LPGAT1: variants seen among roughly 807,000 people sequenced by gnomAD.
LPGAT1 encodes acyl-CoA:lysophosphatidylglycerol acyltransferase 1.
In LPGAT1, 11 loss-of-function variants were observed where a neutral mutation model predicts 47.5. The ratio of observed to expected loss-of-function variants is 0.23; its 90% CI spans 0.15 to 0.38. LPGAT1 has a LOEUF of 0.38. Among genes scored for constraint, LPGAT1 ranks in the 10% least tolerant of loss-of-function variants. LPGAT1 has a pLI of 1.00. For missense variants in LPGAT1, 293 were observed against 439.0 expected, an observed-to-expected ratio of 0.67 and a Z score of 2.97; for synonymous variants, 138 against 144.2, an observed-to-expected ratio of 0.96 and a Z score of 0.31.
chr1:211,805,106 C>T (rs1024992723), intron 2 of LPGAT1, among the ~76,000 whole-genome samples: 16 of 95,588 alleles, frequency 1.7e-4, no homozygotes, highest in African/African-American at 6.3e-4. Context: ...ACACAGAAAT[C>T]AATGAAATGA....
intron 3 of LPGAT1, among the ~76,000 whole-genome samples, chr1:211,791,699 A>G (rs969426562): frequency 6.9e-6 from 1 of 144,334 alleles, no homozygotes; most frequent in Non-Finnish European, 1.5e-5. Flanking sequence ...GCAAGCCAAG[A>G]TTGTGCCACT....
intron 5 of LPGAT1, among the ~76,000 whole-genome samples, chr1:211,779,869 T>A (rs939110328): frequency 3.6e-5 from 5 of 140,052 alleles, no homozygotes; most frequent in Non-Finnish European, 6.1e-5. Context: ...AATAAATAAA[T>A]AAATAAATAA....
At chr1:211,809,746 T>C (rs1183697041) in intron 2 of LPGAT1, among the ~76,000 whole-genome samples, 2 of 152,172 alleles carry the variant, frequency 1.3e-5, no homozygotes, top group Non-Finnish European at 2.9e-5. Flanking sequence ...CTTTCCACCA[T>C]GATTGTGAGA....
At position 211,830,142 on chromosome 1, in the gene LPGAT1, A is replaced by T. The variant is rs1346689504; in HGVS notation, c.-28+431T>A. 2 of 983,670 alleles carry T rather than the reference A, an allele frequency of 2.0e-6. No homozygotes were observed. The highest frequency in any genetic ancestry group is 2.4e-6 in the Non-Finnish European group (2 of 829,494). 60.9% of individuals were successfully genotyped at this position (983,670 alleles called of 1,614,324 possible). On this transcript the variant is annotated intron_variant, in intron 1 of 7. Transcript: ENST00000366997. The surrounding 1 kb of genome is among the most constrained non-coding windows in gnomAD (Gnocchi z 5.9). ...CCTGCAGCGGTTTCCGCGGATGTGG[A>T]AGGGTCGTGGCGGCGGGCGCGGCCC...
chr1:211,783,515 C>A lies in LPGAT1; in HGVS notation c.454-13G>T. ...GATAAGATCTTCCCTAGAAGGTACA[C>A]ACACACGTAATAAGTACAGGTATAT... On this transcript the variant is annotated splice_polypyrimidine_tract_variant and intron_variant, in intron 4 of 7. Coordinates refer to ENST00000366997, the MANE Select transcript of LPGAT1 (RefSeq NM_014873.3). 2 of 1,608,282 alleles carry A rather than the reference C, an allele frequency of 1.2e-6. No homozygotes were observed. Among genetic ancestry groups the A allele is most frequent in the Non-Finnish European group, 1.7e-6 (2 of 1,176,484 alleles).
chr1:211,752,347 T>G (rs1255662812), intron 6 of LPGAT1, among the ~76,000 whole-genome samples: 1 of 152,114 alleles, frequency 6.6e-6, no homozygotes, highest in East Asian at 1.9e-4. Flanking sequence ...ATAAATAAAA[T>G]TTAAAAGCTA....
chr1:211,761,080 T>C (rs978685082), intron 6 of LPGAT1, among the ~76,000 whole-genome samples: 2 of 152,224 alleles, frequency 1.3e-5, no homozygotes, highest in South Asian at 2.1e-4. Context: ...AGCCAAATAC[T>C]TGAATTACTT....
At chr1:211,818,105 G>C (rs1333716907) in intron 2 of LPGAT1, among the ~76,000 whole-genome samples, 1 of 152,086 alleles carries the variant, frequency 6.6e-6, no homozygotes, top group African/African-American at 2.4e-5. Flanking sequence ...GAAGTGCTAG[G>C]ATTACACGCG....
chr1:211,807,605 A>G (rs1659808405), intron 2 of LPGAT1, among the ~76,000 whole-genome samples: 1 of 152,166 alleles, frequency 6.6e-6, no homozygotes, highest in African/African-American at 2.4e-5. Context: ...TAGACTACGT[A>G]AGTATGGTCA....
chr1:211,786,032 T>C (rs980433268), intron 4 of LPGAT1, among the ~76,000 whole-genome samples: 2 of 152,230 alleles, frequency 1.3e-5, no homozygotes, highest in Non-Finnish European at 2.9e-5. Flanking sequence ...CTGAGACTGC[T>C]AAGCTTTCTA....
intron 2 of LPGAT1, among the ~76,000 whole-genome samples, chr1:211,807,522 A>G (rs1659805405): frequency 6.6e-6 from 1 of 152,188 alleles, no homozygotes; most frequent in African/African-American, 2.4e-5. Flanking sequence ...TAAAACTACA[A>G]TAATTAAGAT....
In LPGAT1 at chr1:211,820,405, T is replaced by A. The variant is rs527580097; in HGVS notation, c.238+8654A>T. Among the ~76,000 whole-genome samples, 13 of 151,980 alleles carry A rather than the reference T, an allele frequency of 8.6e-5. 1 individual carries two copies. The highest frequency in any genetic ancestry group is 1.3e-4 in the Non-Finnish European group (9 of 67,982). ...GGAGAAGACAAAAATTATAACTGAA[T>A]AATTTTGCTTGATTTTAAGAAAATC... On this transcript the variant is annotated intron_variant, in intron 2 of 7. Coordinates refer to ENST00000366997, the MANE Select transcript of LPGAT1 (RefSeq NM_014873.3).
intron 2 of LPGAT1, among the ~76,000 whole-genome samples, chr1:211,809,934 C>T (rs1659907342): frequency 6.6e-6 from 1 of 151,972 alleles, no homozygotes; most frequent in African/African-American, 2.4e-5. Flanking sequence ...ACCAAATTGC[C>T]AGGAATACGT....
At chr1:211,781,221 A>T (rs779936036) in intron 5 of LPGAT1, among the ~76,000 whole-genome samples, 10 of 152,244 alleles carry the variant, frequency 6.6e-5, no homozygotes, top group Non-Finnish European at 1.5e-4. Flanking sequence ...GGATTAAAAA[A>T]TAAACTACTC....
At chr1:211,775,405 G>A (rs1243423481) in intron 6 of LPGAT1, among the ~76,000 whole-genome samples, 1 of 152,146 alleles carries the variant, frequency 6.6e-6, no homozygotes, top group Non-Finnish European at 1.5e-5. Flanking sequence ...CTGACGGTAA[G>A]GAATGCTATT....
At chr1:211,802,222 A>G (rs1423899059) in intron 2 of LPGAT1, among the ~76,000 whole-genome samples, 1 of 152,044 alleles carries the variant, frequency 6.6e-6, no homozygotes, top group Non-Finnish European at 1.5e-5. Context: ...ACATCAAATA[A>G]AATGTGTATG....
At chr1:211,768,474 CT>C (rs1222577536) in intron 6 of LPGAT1, among the ~76,000 whole-genome samples, 4 of 152,146 alleles carry the variant, frequency 2.6e-5, no homozygotes, top group Non-Finnish European at 5.9e-5. Context: ...GCTGCCTGCT[CT>C]TTTTTTGTGG....
intron 6 of LPGAT1, among the ~76,000 whole-genome samples, chr1:211,778,099 T>C (rs936928768): frequency 6.6e-6 from 1 of 151,970 alleles, no homozygotes; most frequent in African/African-American, 2.4e-5. Flanking sequence ...TCCCAGCACT[T>C]TGGGAGGCCG....
intron 2 of LPGAT1, among the ~76,000 whole-genome samples, chr1:211,815,250 T>C (rs1660129691): frequency 6.6e-6 from 1 of 152,218 alleles, no homozygotes; most frequent in Non-Finnish European, 1.5e-5. Context: ...AATTTTTAAA[T>C]TTTTAAAATC....
Sources: allele counts gnomAD v4.1 joint callset (sites outside exome capture counted in the v4.1 genomes callset), GRCh38; gene constraint gnomAD v4.1.1; non-coding constraint Gnocchi (gnomAD v3.1); transcripts MANE v1.5; gene names NCBI Gene and HGNC (gene_info 2026-07-23, HGNC 2026-07-21).